Variants in CAMK2D observed in about 807,000 individuals in gnomAD.
The protein encoded by CAMK2D is calcium/calmodulin dependent protein kinase II delta.
Under a neutral mutation model 84.0 loss-of-function variants are expected in CAMK2D, and 37 were observed. The ratio of observed to expected loss-of-function variants is 0.44; its 90% confidence interval spans 0.34 to 0.58. The LOEUF is 0.58. Ranked by LOEUF, CAMK2D falls within the 20% of genes least tolerant of loss-of-function variation. The pLI is 0.02. For missense variants in CAMK2D, 448 were observed against 652.5 expected (o/e 0.69, Z 3.41); for synonymous variants, 202 against 212.5 (o/e 0.95, Z 0.43).
intron 14 of CAMK2D, among the ~76,000 whole-genome samples, chr4:113,504,285 G>A (rs185548261): frequency 6.6e-6 from 1 of 152,288 alleles, no homozygotes. Flanking sequence ...CCATCTCAAA[G>A]TGTTAGACTA....
intron 4 of CAMK2D, among the ~76,000 whole-genome samples, chr4:113,563,314 T>C (rs2098707279): frequency 6.6e-6 from 1 of 152,206 alleles, no homozygotes; most frequent in Non-Finnish European, 1.5e-5. Context: ...ACAGTATTTG[T>C]AGGCATCATT....
At chr4:113,647,956 C>T (rs2099158183) in intron 3 of CAMK2D, among the ~76,000 whole-genome samples, 1 of 152,110 alleles carries the variant, frequency 6.6e-6, no homozygotes, top group African/African-American at 2.4e-5. Context: ...AGCTTAAATG[C>T]ACATTTGGCA....
At chr4:113,624,719 A>T (rs1238704791) in intron 3 of CAMK2D, among the ~76,000 whole-genome samples, 2 of 152,174 alleles carry the variant, frequency 1.3e-5, no homozygotes, top group Non-Finnish European at 1.5e-5. Context: ...GAATAAATGG[A>T]TTGGTGTATC....
intron 2 of CAMK2D, among the ~76,000 whole-genome samples, chr4:113,746,955 A>AG (rs1259584449): frequency 6.7e-6 from 1 of 148,714 alleles, no homozygotes; most frequent in Non-Finnish European, 1.5e-5. Flanking sequence ...TCAACCAAAA[A>AG]AAAAAAAAAT....
chr4:113,679,398 C>T (rs2099331253), intron 2 of CAMK2D: 2 of 912,496 alleles, frequency 2.2e-6, no homozygotes, highest in South Asian at 5.1e-5. Context: ...TTTTTAAATA[C>T]TTGCCTCTCC....
chr4:113,761,298 C>T lies in CAMK2D; in HGVS notation c.-230G>A. The T allele has an allele frequency of 7.0e-7, 1 of 1,423,100 alleles. No homozygotes were observed. The highest frequency in any genetic ancestry group is 9.2e-7 in the Non-Finnish European group (1 of 1,092,450). The allele number at this position is 1,423,100 out of a possible 1,614,324, so 88.2% of individuals were successfully genotyped here. ...CCCACAGTCCGCCGATCCTCCTCCTCCTGCGGGCCTCGCTTCCTTCTTCTC... is the reference window on the plus strand; with the variant it reads ...CCCACAGTCCGCCGATCCTCCTCCTTCTGCGGGCCTCGCTTCCTTCTTCTC... On this transcript the variant is annotated 5_prime_UTR_variant, in exon 1 of 21. Transcript: ENST00000511664.
intron 2 of CAMK2D, among the ~76,000 whole-genome samples, chr4:113,738,687 G>A (rs2099586567): frequency 6.6e-6 from 1 of 151,806 alleles, no homozygotes; most frequent in South Asian, 2.1e-4. Flanking sequence ...AAAATATAAT[G>A]AAATAATATT....
At chr4:113,462,329 T>A (rs2097395870) in intron 17 of CAMK2D, among the ~76,000 whole-genome samples, 1 of 150,232 alleles carries the variant, frequency 6.7e-6, no homozygotes, top group Non-Finnish European at 1.5e-5. Context: ...TCTGTCTGTC[T>A]GTCTGTCTGT....
At chr4:113,494,217 T>C (rs2097891280) in intron 16 of CAMK2D, among the ~76,000 whole-genome samples, 1 of 152,264 alleles carries the variant, frequency 6.6e-6, no homozygotes, top group Non-Finnish European at 1.5e-5. Context: ...AGAGGCACTC[T>C]GCTTTTTAGA....
chr4:113,729,003 T>C (rs979583163), intron 2 of CAMK2D, among the ~76,000 whole-genome samples: 1 of 152,196 alleles, frequency 6.6e-6, no homozygotes, highest in Non-Finnish European at 1.5e-5. Flanking sequence ...AAAAGGCTCT[T>C]ATGGCATTGT....
In CAMK2D at chr4:113,552,712, G is replaced by A. The variant is rs77145594; in HGVS notation, c.276-616C>T. Among the ~76,000 whole-genome samples the A allele has an allele frequency of 6.8e-3, 1,040 of 152,210 alleles. 17 individuals carry two copies. The highest frequency in any genetic ancestry group is 0.024 in the African/African-American group (990 of 41,526). On this transcript the variant is annotated intron_variant, in intron 4 of 20. Coordinates refer to ENST00000511664, the MANE Select transcript of CAMK2D (RefSeq NM_001321571.2). ...GCAATTAATAGAGATATGCATATGC[G>A]TACATACATGCGTGCACACACGTGT...
At chr4:113,581,603 T>C (rs2098810502) in intron 4 of CAMK2D, among the ~76,000 whole-genome samples, 1 of 152,180 alleles carries the variant, frequency 6.6e-6, no homozygotes, top group South Asian at 2.1e-4. Flanking sequence ...TGATTTTTTT[T>C]TTCTTTAAAA....
intron 4 of CAMK2D, among the ~76,000 whole-genome samples, chr4:113,573,886 G>A (rs921640052): frequency 6.6e-6 from 1 of 151,944 alleles, no homozygotes; most frequent in African/African-American, 2.4e-5. Context: ...TTCTTCACTG[G>A]CTTCTTCTCA....
At position 113,722,413 on chromosome 4, in the gene CAMK2D, A is replaced by G. The variant is rs574073405; in HGVS notation, c.160+36907T>C. Among the ~76,000 whole-genome samples the G allele has an allele frequency of 1.4e-4, 22 of 152,336 alleles. No homozygotes were observed. In the East Asian group the frequency reaches 3.9e-3, roughly 27 times the overall value. On this transcript the variant is annotated intron_variant, in intron 2 of 20. Transcript: ENST00000511664. Reference sequence around the variant, plus strand: ...AATCAAAAATTATTGCTGGGTCTCAAAAATGCTCCTCTTCCCTCCTCAGAT... The same window carrying G: ...AATCAAAAATTATTGCTGGGTCTCAGAAATGCTCCTCTTCCCTCCTCAGAT...
chr4:113,642,396 C>A (rs570860082), intron 3 of CAMK2D, among the ~76,000 whole-genome samples: 18 of 152,310 alleles, frequency 1.2e-4, no homozygotes, highest in Non-Finnish European at 2.4e-4. Flanking sequence ...TAGGAGGATT[C>A]CAGAACTACT....
chr4:113,615,212 GC>G (rs2099016428), intron 3 of CAMK2D, among the ~76,000 whole-genome samples: 1 of 152,008 alleles, frequency 6.6e-6, no homozygotes, highest in Non-Finnish European at 1.5e-5. Context: ...CATCTAACAC[GC>G]CAAGTCTACC....
At chr4:113,488,202 C>A (rs1247530535) in intron 16 of CAMK2D, among the ~76,000 whole-genome samples, 1 of 151,982 alleles carries the variant, frequency 6.6e-6, no homozygotes, top group Non-Finnish European at 1.5e-5. Flanking sequence ...AAAATAGATA[C>A]ATGAACAAAA....
At position 113,514,029 on chromosome 4, in the gene CAMK2D, TTC is replaced by T. The variant is rs1590498452; in HGVS notation, c.820-118_820-117del. The T allele has an allele frequency of 2.1e-5, 11 of 512,114 alleles. No individual in the cohort carries two copies. The East Asian group carries it at 3.4e-4, about 16-fold the overall frequency. 31.7% of individuals were successfully genotyped at this position (512,114 alleles called of 1,614,324 possible). On this transcript the variant is annotated intron_variant, in intron 10 of 20. Coordinates refer to ENST00000511664, the MANE Select transcript of CAMK2D (RefSeq NM_001321571.2). ...ATGGTGCTGCACCTGCAGGATCAACTTCTAAGTATTCAATTGCCAAAGTTACC... is the reference window on the plus strand; with the variant it reads ...ATGGTGCTGCACCTGCAGGATCAACTTAAGTATTCAATTGCCAAAGTTACC...
intron 3 of CAMK2D, among the ~76,000 whole-genome samples, chr4:113,626,423 GTTA>G (rs935861748): frequency 4.6e-5 from 7 of 152,070 alleles, no homozygotes; most frequent in African/African-American, 1.7e-4. Flanking sequence ...GTGTACTATT[GTTA>G]TTATTAAATT....
Sources: allele counts gnomAD v4.1 joint callset (sites outside exome capture counted in the v4.1 genomes callset), GRCh38; gene constraint gnomAD v4.1.1; transcripts MANE v1.5; gene names NCBI Gene and HGNC (gene_info 2026-07-23, HGNC 2026-07-21).